PPFIBP1: variants seen among roughly 807,000 people sequenced by gnomAD.
PPFIBP1 encodes the protein PPFIB scaffold protein 1, also known as liprin-beta-1.
Under a neutral mutation model 137.8 loss-of-function variants are expected in PPFIBP1, and 112 were observed. The observed-to-expected ratio is 0.81, with a 90% CI of 0.70 to 0.95. The LOEUF (loss-of-function observed/expected upper bound fraction) is 0.95. Among genes scored for constraint, PPFIBP1 ranks in the 40% least tolerant of loss-of-function variants. The probability of loss-of-function intolerance (pLI) is 0.00; values close to 1 mark genes in which losing one functional copy is unlikely to be tolerated. For synonymous variants in PPFIBP1, 378 were observed against 417.3 expected (o/e 0.91, Z 1.15); for missense variants, 1,083 against 1,196.6 (o/e 0.91, Z 1.40).
At position 27,669,632 on chromosome 12, in the gene PPFIBP1, CAA is replaced by C. The variant is rs775366206; in HGVS notation, c.1147-1798_1147-1797del. Among the ~76,000 whole-genome samples the C allele has an allele frequency of 5.9e-5, 9 of 152,246 alleles. No homozygotes were observed. In the East Asian group the frequency reaches 1.7e-3, roughly 29 times the overall value. The stretch of plus-strand genomic sequence containing the variant: ...ATATTTTCCCCATGATTAGGAATCT[CAA>C]GAGACAAATGAACTTCAGGAAACAG... On this transcript the variant is annotated intron_variant, in intron 13 of 29. Coordinates refer to ENST00000228425, the MANE Select transcript of PPFIBP1 (RefSeq NM_003622.4).
At chr12:27,684,239 G>T (rs1566013607) in intron 24 of PPFIBP1, among the ~76,000 whole-genome samples, 1 of 152,126 alleles carries the variant, frequency 6.6e-6, no homozygotes, top group Non-Finnish European at 1.5e-5. Context: ...CACCCGAGTA[G>T]CTGGGATTAC....
At chr12:27,589,364 C>T (rs1173724036) in intron 2 of PPFIBP1, among the ~76,000 whole-genome samples, 3 of 152,206 alleles carry the variant, frequency 2.0e-5, no homozygotes, top group Non-Finnish European at 4.4e-5. Flanking sequence ...TTTCTGGTCT[C>T]AAAGTCCCAG....
intron 2 of PPFIBP1, among the ~76,000 whole-genome samples, chr12:27,581,373 T>C (rs1197112208): frequency 2.0e-5 from 3 of 152,196 alleles, no homozygotes; most frequent in Admixed American, 2.0e-4. Context: ...GGTACAAGAA[T>C]GAGGTGGGAG....
At chr12:27,621,919 C>T (rs2056379453) in intron 2 of PPFIBP1, among the ~76,000 whole-genome samples, 2 of 151,978 alleles carry the variant, frequency 1.3e-5, no homozygotes. Context: ...TAAAGCAGAC[C>T]TGAAATTAGA....
chr12:27,599,253 A>G, intron 2 of PPFIBP1: 1 of 222,262 alleles, frequency 4.5e-6, no homozygotes, highest in South Asian at 6.4e-5. Context: ...TGCCCTTCCC[A>G]GTGTGGGTGG....
At chr12:27,632,273 G>A (rs983027026) in intron 2 of PPFIBP1, among the ~76,000 whole-genome samples, 1 of 152,174 alleles carries the variant, frequency 6.6e-6, no homozygotes, top group African/African-American at 2.4e-5. Flanking sequence ...TGAAAATAAA[G>A]TGGTGAGATT....
At chr12:27,648,109 C>T in intron 6 of PPFIBP1, 1 of 400,932 alleles carries the variant, frequency 2.5e-6, no homozygotes, top group Non-Finnish European at 4.3e-6. Context: ...GGTTTCCTCT[C>T]ACCCATAGCA....
At chr12:27,658,427 A>G (rs1210089414) in intron 9 of PPFIBP1, among the ~76,000 whole-genome samples, 5 of 152,204 alleles carry the variant, frequency 3.3e-5, no homozygotes, top group Non-Finnish European at 5.9e-5. Flanking sequence ...ATGTGACACA[A>G]GCAGTGTTCT....
chr12:27,613,004 G>A (rs1040321598), intron 2 of PPFIBP1, among the ~76,000 whole-genome samples: 23 of 152,028 alleles, frequency 1.5e-4, no homozygotes, highest in Admixed American at 5.2e-4. Context: ...CTGTAGCAGG[G>A]TGGAATAGCA....
rs547668101 is a variant in PPFIBP1 at position 27,595,536 on chromosome 12, A to T, written c.-36+17297A>T. Among the ~76,000 whole-genome samples the T allele has an allele frequency of 3.3e-4, 50 of 152,222 alleles. No individual in the cohort carries two copies. In the South Asian group the frequency reaches 7.7e-3, roughly 23 times the overall value. On this transcript the variant is annotated intron_variant, in intron 2 of 29. Coordinates refer to ENST00000228425, the MANE Select transcript of PPFIBP1 (RefSeq NM_003622.4). Reference sequence around the variant, plus strand: ...GAAAAACGGGGATAGAAAGCCACAGAATTATCCCTTTTGCTTCCAAAATAT... The same window carrying T: ...GAAAAACGGGGATAGAAAGCCACAGTATTATCCCTTTTGCTTCCAAAATAT...
chr12:27,635,321 AC>A, intron 4 of PPFIBP1: 1 of 608,674 alleles, frequency 1.6e-6, no homozygotes, highest in East Asian at 2.7e-5. Context: ...AATACCAACA[AC>A]AGGTCACCTG....
chr12:27,670,492 G>A (rs2060110583), intron 13 of PPFIBP1, among the ~76,000 whole-genome samples: 1 of 152,108 alleles, frequency 6.6e-6, no homozygotes, highest in African/African-American at 2.4e-5. Flanking sequence ...TAAAAATGGA[G>A]CTTTTCGCTG....
chr12:27,524,801 C>T (rs1435988904), intron 1 of PPFIBP1, among the ~76,000 whole-genome samples: 1 of 151,992 alleles, frequency 6.6e-6, no homozygotes, highest in Non-Finnish European at 1.5e-5. Flanking sequence ...CTCCTTGTGG[C>T]CTATTATATA....
chr12:27,569,070 A>T (rs1417313958), intron 1 of PPFIBP1, among the ~76,000 whole-genome samples: 1 of 152,000 alleles, frequency 6.6e-6, no homozygotes, highest in Non-Finnish European at 1.5e-5. Flanking sequence ...CTGCATTCTC[A>T]CTGCTAGTTC....
At chr12:27,547,094 G>C (rs192051315) in intron 1 of PPFIBP1, 1 of 152,340 alleles carries the variant, frequency 6.6e-6, no homozygotes, top group African/African-American at 2.4e-5. Flanking sequence ...TTGCCGGGTA[G>C]CTTTAGAATG....
At chr12:27,634,752 T>C (rs1175696962) in intron 3 of PPFIBP1, among the ~76,000 whole-genome samples, 158 bp from the exon 4 acceptor site, 2 of 152,236 alleles carry the variant, frequency 1.3e-5, no homozygotes, top group African/African-American at 4.8e-5. Flanking sequence ...TTTTGCACCA[T>C]GTAACTCTGA....
chr12:27,680,119 G>A, intron 21 of PPFIBP1, 58 bp downstream of exon 21: 2 of 1,596,540 alleles, frequency 1.3e-6, no homozygotes, highest in Non-Finnish European at 1.7e-6. Context: ...AGCCTCATGA[G>A]TCCTGCAGTA....
chr12:27,614,708 A>G (rs1379631928), intron 2 of PPFIBP1, among the ~76,000 whole-genome samples: 1 of 152,210 alleles, frequency 6.6e-6, no homozygotes, highest in African/African-American at 2.4e-5. Flanking sequence ...ACAGCCTGCA[A>G]TGCAATAGAG....
chr12:27,592,168 G>A (rs377093063), intron 2 of PPFIBP1, among the ~76,000 whole-genome samples: 9 of 152,326 alleles, frequency 5.9e-5, no homozygotes, highest in Admixed American at 1.3e-4. Flanking sequence ...GAAATAGCCC[G>A]CAGAGAGGCT....
Sources: gnomAD v4.1 joint callset for allele counts (sites outside exome capture counted in the v4.1 genomes callset) on GRCh38, gnomAD v4.1.1 for gene constraint, MANE v1.5 for transcripts, NCBI Gene and HGNC (gene_info 2026-07-23, HGNC 2026-07-21) for gene names.